Variants in FGGY observed in about 807,000 individuals in gnomAD.
FGGY encodes the protein FGGY carbohydrate kinase domain-containing protein.
FGGY carries 72 observed loss-of-function variants against 71.3 expected under a neutral mutation model. That is an observed-to-expected ratio of 1.01 (90% CI 0.84 to 1.23). FGGY has a LOEUF of 1.23. FGGY is among the 50% of genes most tolerant of loss of function. FGGY has a pLI of 0.00. For missense variants in FGGY, 668 were observed against 682.3 expected (o/e 0.98, Z 0.23); for synonymous variants, 251 against 250.3 (o/e 1.00, Z -0.02).
At chr1:59,406,617 C>T (rs1417200626) in intron 5 of FGGY, among the ~76,000 whole-genome samples, 4 of 152,076 alleles carry the variant, frequency 2.6e-5, no homozygotes, top group South Asian at 2.1e-4. Context: ...AACAGGGTTG[C>T]GTATTGATGA....
chr1:59,388,102 A>G (rs1438173518), intron 5 of FGGY, among the ~76,000 whole-genome samples: 1 of 152,096 alleles, frequency 6.6e-6, no homozygotes, highest in Non-Finnish European at 1.5e-5. Flanking sequence ...TCAGAAGTGC[A>G]GTTAAACCCC....
At chr1:59,559,658 A>G (rs2095753938) in intron 8 of FGGY, among the ~76,000 whole-genome samples, 2 of 152,188 alleles carry the variant, frequency 1.3e-5, no homozygotes, top group Admixed American at 1.3e-4. Flanking sequence ...TTAGGATTGG[A>G]ATAGGAAATA....
intron 13 of FGGY, among the ~76,000 whole-genome samples, chr1:59,670,997 C>T (rs952483863): frequency 1.2e-4 from 19 of 152,168 alleles, no homozygotes; most frequent in South Asian, 2.1e-4. Context: ...AGGGGTTTCC[C>T]TCTTCTGGTC....
At chr1:59,660,099 G>T in intron 11 of FGGY, 120 bp from the exon 12 acceptor site, 3 of 823,532 alleles carry the variant, frequency 3.6e-6, no homozygotes, top group Non-Finnish European at 5.9e-6. Context: ...ACAAAAAGGG[G>T]ATTTGCATAT....
intron 4 of FGGY, among the ~76,000 whole-genome samples, chr1:59,356,763 T>G (rs969349710): frequency 2.0e-5 from 3 of 152,208 alleles, no homozygotes; most frequent in African/African-American, 4.8e-5. Context: ...AAATGAGATT[T>G]GAGCATTACT....
At chr1:59,669,274 CT>C (rs2097354289) in intron 13 of FGGY, among the ~76,000 whole-genome samples, 1 of 152,130 alleles carries the variant, frequency 6.6e-6, no homozygotes, top group Non-Finnish European at 1.5e-5. Context: ...CCCACCGTCC[CT>C]TTGTACTGTA....
chr1:59,307,227 T>G (rs539087964), intron 1 of FGGY, among the ~76,000 whole-genome samples: 2 of 146,130 alleles, frequency 1.4e-5, no homozygotes, highest in African/African-American at 5.1e-5. Flanking sequence ...TATGGGAGAA[T>G]GGCTTGAGCC....
chr1:59,670,264 AT>A (rs1471075431), intron 13 of FGGY, among the ~76,000 whole-genome samples: 1 of 152,218 alleles, frequency 6.6e-6, no homozygotes, highest in East Asian at 1.9e-4. Flanking sequence ...AAAAGAACAC[AT>A]TTGCATTTGT....
At chr1:59,488,251 C>G (rs2093714607) in intron 6 of FGGY, among the ~76,000 whole-genome samples, 1 of 151,760 alleles carries the variant, frequency 6.6e-6, no homozygotes. Context: ...TATTATGGTA[C>G]AAATACACAA....
intron 4 of FGGY, among the ~76,000 whole-genome samples, chr1:59,371,855 A>G (rs1009918682): frequency 3.3e-5 from 5 of 152,222 alleles, no homozygotes; most frequent in African/African-American, 1.2e-4. Context: ...GTTCTTTGAA[A>G]CCAATGAGAA....
chr1:59,671,991 C>A (rs769476238), intron 13 of FGGY, among the ~76,000 whole-genome samples: 1 of 152,138 alleles, frequency 6.6e-6, no homozygotes, highest in African/African-American at 2.4e-5. Context: ...ACTCAGGGAG[C>A]TTTTGGCAGG....
intron 8 of FGGY, among the ~76,000 whole-genome samples, chr1:59,564,738 A>G (rs2095848036): frequency 6.6e-6 from 1 of 152,096 alleles, no homozygotes; most frequent in African/African-American, 2.4e-5. Context: ...CATAAAACCT[A>G]CTCTACCCTG....
chr1:59,450,808 A>G (rs1046130157), intron 5 of FGGY, among the ~76,000 whole-genome samples: 1 of 152,004 alleles, frequency 6.6e-6, no homozygotes, highest in East Asian at 1.9e-4. Context: ...TCCTTGTTAA[A>G]TATTTTTGAT....
intron 14 of FGGY, among the ~76,000 whole-genome samples, chr1:59,685,843 C>T (rs2097539912): frequency 6.6e-6 from 1 of 152,222 alleles, no homozygotes; most frequent in South Asian, 2.1e-4. Context: ...CAGCCTCAAA[C>T]ACCTGTTCAA....
At chr1:59,720,601 T>A (rs778635719) in intron 14 of FGGY, among the ~76,000 whole-genome samples, 3 of 152,228 alleles carry the variant, frequency 2.0e-5, no homozygotes, top group Non-Finnish European at 2.9e-5. Context: ...CAGACTCAAA[T>A]TTTGTTTCGG....
intron 8 of FGGY, among the ~76,000 whole-genome samples, chr1:59,557,181 G>A (rs2095702875): frequency 6.6e-6 from 1 of 152,050 alleles, no homozygotes; most frequent in African/African-American, 2.4e-5. Flanking sequence ...CTTTGTTGTG[G>A]TTCTGGCAAA....
intron 6 of FGGY, among the ~76,000 whole-genome samples, chr1:59,501,908 C>T (rs559180292): frequency 2.0e-5 from 3 of 152,310 alleles, no homozygotes; most frequent in Admixed American, 6.5e-5. Flanking sequence ...TGAGTACCCT[C>T]TGTGTGTCAG....
intron 3 of FGGY, among the ~76,000 whole-genome samples, chr1:59,343,946 G>A (rs1372476415): frequency 1.3e-5 from 2 of 151,988 alleles, no homozygotes; most frequent in Non-Finnish European, 2.9e-5. Context: ...TACTGATATT[G>A]TCCCCTTCAA....
intron 12 of FGGY, among the ~76,000 whole-genome samples, chr1:59,666,034 C>T (rs182822921): frequency 1.3e-5 from 2 of 152,252 alleles, no homozygotes; most frequent in East Asian, 3.9e-4. Context: ...TAAAACACCT[C>T]CTCTCCCTCA....
Sources: allele counts gnomAD v4.1 joint callset (sites outside exome capture counted in the v4.1 genomes callset), GRCh38; gene constraint gnomAD v4.1.1; transcripts MANE v1.5; gene names NCBI Gene and HGNC (gene_info 2026-07-23, HGNC 2026-07-21).